Variants in ZFHX3 observed in about 807,000 individuals in gnomAD.
The protein encoded by ZFHX3 is zinc finger homeobox 3.
In ZFHX3, 42 loss-of-function variants were observed where a neutral mutation model predicts 279.1. The ratio of observed to expected loss-of-function variants is 0.15; its 90% CI spans 0.12 to 0.19. ZFHX3 has a LOEUF of 0.19. Ranked by LOEUF, ZFHX3 falls within the 10% of genes least tolerant of loss-of-function variation. The pLI is 1.00. For missense variants in ZFHX3, 4,981 were observed against 4,754.0 expected (o/e 1.05, Z -1.40); for synonymous variants, 2,293 against 1,957.8 (o/e 1.17, Z -4.52).
At chr16:73,034,359 A>C (rs1468866100) in intron 1 of ZFHX3, among the ~76,000 whole-genome samples, 1 of 152,196 alleles carries the variant, frequency 6.6e-6, no homozygotes. Context: ...TGACCCTCCC[A>C]ACAGTGGCAG....
chr16:72,919,777 C>CTTTTTTTTTTTTTTTTTTTTTTTTT (rs532405250), intron 3 of ZFHX3, among the ~76,000 whole-genome samples: 1 of 42,292 alleles, frequency 2.4e-5, no homozygotes, highest in Non-Finnish European at 3.8e-5. Context: ...TATGCACCAT[C>CTTTTTTTTTTTTTTTTTTTTTTTTT]TTTTTTTTTT....
intron 4 of ZFHX3, among the ~76,000 whole-genome samples, chr16:72,872,502 G>A (rs896654351): frequency 6.6e-6 from 1 of 152,184 alleles, no homozygotes; most frequent in Non-Finnish European, 1.5e-5. Context: ...GTGTCATCCA[G>A]GCTGGAGCAC....
At chr16:72,870,770 T>C (rs1479348791) in intron 4 of ZFHX3, among the ~76,000 whole-genome samples, 1 of 151,642 alleles carries the variant, frequency 6.6e-6, no homozygotes, top group Admixed American at 6.6e-5. Flanking sequence ...TAAATATACC[T>C]TGTGATCTAA....
At chr16:73,045,807 G>A (rs1339291825) in intron 1 of ZFHX3, among the ~76,000 whole-genome samples, 1 of 146,984 alleles carries the variant, frequency 6.8e-6, no homozygotes, top group Non-Finnish European at 1.5e-5. Context: ...AAAAAAAGTG[G>A]GGGGGGGTTG....
chr16:73,241,860 G>C (rs1419457401), intron 5 of ZFHX3, among the ~76,000 whole-genome samples: 3 of 148,486 alleles, frequency 2.0e-5, no homozygotes, highest in Admixed American at 2.0e-4. Flanking sequence ...AAGTCTATTT[G>C]GAGTTAGTTC....
intron 3 of ZFHX3, among the ~76,000 whole-genome samples, chr16:73,349,491 A>C (rs73589325): frequency 0.011 from 1,672 of 152,232 alleles, 44 homozygotes; most frequent in African/African-American, 0.038. Flanking sequence ...CATTGGGGTG[A>C]TCTTGTTTAA....
At chr16:72,832,986 G>C (rs531530663) in intron 4 of ZFHX3, among the ~76,000 whole-genome samples, 2 of 152,350 alleles carry the variant, frequency 1.3e-5, no homozygotes, top group South Asian at 4.1e-4. Flanking sequence ...AAAACTGTGA[G>C]CTCTGAATAC....
rs371635974 is a variant in ZFHX3 at position 73,882,083 on chromosome 16, C to T, written c.-1608+9568G>A. On this transcript the variant is annotated intron_variant, in intron 1 of 17. Transcript: ENST00000641206. ...GCACCGCTAAGTGCTAAGTGTAAAA[C>T]GGCATTAGTAATTCCACTCGGCAAA... Among the ~76,000 whole-genome samples the T allele has an allele frequency of 7.2e-5, 11 of 152,252 alleles. No homozygotes were observed. The South Asian group carries it at 1.5e-3, about 20-fold the overall frequency.
chr16:73,186,133 A>ATGTT (rs1967902690), intron 5 of ZFHX3, among the ~76,000 whole-genome samples: 1 of 152,098 alleles, frequency 6.6e-6, no homozygotes, highest in Non-Finnish European at 1.5e-5. Flanking sequence ...CAGGGCTCCC[A>ATGTT]CTGATTCTAC....
At chr16:73,414,859 G>A (rs1047454242) in intron 3 of ZFHX3, among the ~76,000 whole-genome samples, 1 of 151,982 alleles carries the variant, frequency 6.6e-6, no homozygotes, top group Middle Eastern at 3.2e-3. Context: ...CAAAACAAGA[G>A]GCTGGATCCC....
At chr16:73,599,052 C>G (rs537349188) in intron 2 of ZFHX3, among the ~76,000 whole-genome samples, 4 of 152,214 alleles carry the variant, frequency 2.6e-5, no homozygotes, top group African/African-American at 9.6e-5. Flanking sequence ...TGAGCCACCA[C>G]GCCCGGCCTT....
chr16:73,428,415 G>C (rs2017849387), intron 3 of ZFHX3, among the ~76,000 whole-genome samples: 1 of 152,130 alleles, frequency 6.6e-6, no homozygotes, highest in African/African-American at 2.4e-5. Flanking sequence ...AAGGGGCCCT[G>C]ACAATCTTAT....
chr16:73,234,570 G>A (rs1193981704), intron 5 of ZFHX3, among the ~76,000 whole-genome samples: 4 of 152,176 alleles, frequency 2.6e-5, no homozygotes, highest in Non-Finnish European at 5.9e-5. Context: ...TCTGCTCTGG[G>A]GTTGGAGAAT....
At chr16:73,779,352 A>G (rs2142301332) in intron 1 of ZFHX3, among the ~76,000 whole-genome samples, 1 of 152,308 alleles carries the variant, frequency 6.6e-6, no homozygotes, top group East Asian at 1.9e-4. Context: ...TTAGTGATGA[A>G]AAGAATTCAT....
chr16:73,052,958 A>T (rs1719142126), upstream of ZFHX3, among the ~76,000 whole-genome samples: 1 of 152,182 alleles, frequency 6.6e-6, no homozygotes, highest in African/African-American at 2.4e-5. Context: ...AGGGGCTTTC[A>T]CATGGAGCCA....
intron 5 of ZFHX3, among the ~76,000 whole-genome samples, chr16:73,150,821 A>G (rs1966923316): frequency 6.6e-6 from 1 of 152,198 alleles, no homozygotes; most frequent in Non-Finnish European, 1.5e-5. Flanking sequence ...AACCCTTAAC[A>G]TGTGTCTGTT....
chr16:73,548,970 A>C (rs1431516681), intron 2 of ZFHX3, among the ~76,000 whole-genome samples: 1 of 152,206 alleles, frequency 6.6e-6, no homozygotes, highest in Non-Finnish European at 1.5e-5. Context: ...ATATGAAAAC[A>C]GGCATTTGTT....
At chr16:73,781,217 T>G (rs1055220460) in intron 1 of ZFHX3, among the ~76,000 whole-genome samples, 2 of 152,234 alleles carry the variant, frequency 1.3e-5, no homozygotes, top group Non-Finnish European at 2.9e-5. Flanking sequence ...GGAATCACGA[T>G]GCTTTTTTCC....
intron 3 of ZFHX3, among the ~76,000 whole-genome samples, chr16:72,947,605 G>A (rs1408400194): frequency 1.3e-5 from 2 of 152,084 alleles, no homozygotes; most frequent in Non-Finnish European, 2.9e-5. Flanking sequence ...GAGGGCCACC[G>A]GGAAGCCACA....
Sources: allele counts gnomAD v4.1 joint callset (sites outside exome capture counted in the v4.1 genomes callset), GRCh38; gene constraint gnomAD v4.1.1; transcripts MANE v1.5; gene names NCBI Gene and HGNC (gene_info 2026-07-23, HGNC 2026-07-21).